ARHGEF10: variants seen among roughly 807,000 people sequenced by gnomAD.
The protein encoded by ARHGEF10 is Rho guanine nucleotide exchange factor 10, also known as Rho guanine nucleotide exchange factor (GEF) 10.
A neutral mutation model predicts 147.4 loss-of-function variants in ARHGEF10; 140 were observed. The observed-to-expected ratio is 0.95, with a 90% CI of 0.83 to 1.09. The LOEUF is 1.09. ARHGEF10 is among the 50% of genes least tolerant of loss of function. The pLI is 0.00. For missense variants in ARHGEF10, 2,222 were observed against 1,752.7 expected, an observed-to-expected ratio of 1.27 and a Z score of -4.78; for synonymous variants, 902 against 695.8, an observed-to-expected ratio of 1.30 and a Z score of -4.67.
intron 2 of ARHGEF10, among the ~76,000 whole-genome samples, chr8:1,849,675 AC>A (rs1804870131): frequency 3.4e-5 from 4 of 118,290 alleles, no homozygotes; most frequent in African/African-American, 1.3e-4. Flanking sequence ...TGGGGTGGCC[AC>A]GTGGGCATGG....
rs73671058 is a variant in ARHGEF10, at chr8:1,930,784, C to G, written c.3079+1341C>G. ...CTTCTCCCGTGTGGTTCCGGCCTGG[C>G]CTGTGCGCACCTGCGCCAAGAAGGC... is the stretch of plus-strand genomic sequence containing the variant. On this transcript the variant is annotated intron_variant, in intron 25 of 28. Coordinates refer to ENST00000349830, the MANE Select transcript of ARHGEF10 (RefSeq NM_014629.4). Among the ~76,000 whole-genome samples the G allele has an allele frequency of 4.4e-3, 666 of 152,346 alleles. 4 individuals are homozygous for G. Among genetic ancestry groups the G allele is most frequent in the African/African-American group, 0.015 (625 of 41,596 alleles).
intron 25 of ARHGEF10, among the ~76,000 whole-genome samples, chr8:1,929,682 TC>T (rs1812965299): frequency 6.6e-6 from 1 of 152,054 alleles, no homozygotes; most frequent in African/African-American, 2.4e-5. Flanking sequence ...CCCTCCCACT[TC>T]TCTCGGCCTG....
rs1200669458 is a variant in ARHGEF10, at chr8:1,952,686, C to T, written c.3398-19C>T. Reference sequence around the variant, plus strand: ...GCTACACAAACCAGACCCGAAGCCACTCATGTCTTTCCGCCCAGGGCACCA... The same window carrying T: ...GCTACACAAACCAGACCCGAAGCCATTCATGTCTTTCCGCCCAGGGCACCA... On this transcript the variant is annotated intron_variant, in intron 27 of 28. Coordinates refer to ENST00000349830, the MANE Select transcript of ARHGEF10 (RefSeq NM_014629.4). The T allele has an allele frequency of 1.9e-6, 3 of 1,613,290 alleles. No homozygotes were observed.
At chr8:1,903,166 C>T in intron 15 of ARHGEF10, 115 bp from the exon 16 acceptor site, 3 of 1,331,370 alleles carry the variant, frequency 2.3e-6, no homozygotes, top group Non-Finnish European at 3.2e-6. Context: ...TTATTTTTCC[C>T]CAGGATGGCA....
At chr8:1,861,057 G>A (rs972474388) in intron 4 of ARHGEF10, among the ~76,000 whole-genome samples, 4 of 152,338 alleles carry the variant, frequency 2.6e-5, no homozygotes, top group Admixed American at 2.6e-4. Flanking sequence ...CTGTAGCCAG[G>A]ACATGCTCCG....
intron 8 of ARHGEF10, among the ~76,000 whole-genome samples, chr8:1,877,348 C>T (rs974819359): frequency 3.3e-5 from 5 of 152,176 alleles, no homozygotes; most frequent in African/African-American, 2.4e-5. Flanking sequence ...TTGCCTCAGC[C>T]TCCCAAGTAG....
intron 18 of ARHGEF10, among the ~76,000 whole-genome samples, chr8:1,917,728 C>T (rs1293374339): frequency 2.6e-5 from 4 of 152,194 alleles, no homozygotes; most frequent in Admixed American, 1.3e-4. Flanking sequence ...TGGAAGTCAA[C>T]TCTAACAAAA....
chr8:1,857,229 G>C (rs1420264018), intron 2 of ARHGEF10, among the ~76,000 whole-genome samples: 1 of 152,122 alleles, frequency 6.6e-6, no homozygotes, highest in Non-Finnish European at 1.5e-5. Flanking sequence ...AATAAGAGAG[G>C]CAAAATGAAA....
At chr8:1,876,545 T>G (rs1807718355) in intron 7 of ARHGEF10, 26 bp from the exon 8 acceptor site, 2 of 1,612,688 alleles carry the variant, frequency 1.2e-6, no homozygotes, top group Admixed American at 1.7e-5. Flanking sequence ...AAAGTTTTAA[T>G]TTCATTTTGG....
chr8:1,839,679 TGGTGTGGGGACTGTCC>T (rs1260564639), intron 1 of ARHGEF10, among the ~76,000 whole-genome samples: 18 of 125,948 alleles, frequency 1.4e-4, no homozygotes, highest in African/African-American at 5.4e-4. Context: ...GTGTGGAAAC[TGGTGTGGGGACTGTCC>T]GGTGTGGGGA....
chr8:1,886,245 G>A (rs1435050891), intron 11 of ARHGEF10, among the ~76,000 whole-genome samples: 2 of 152,228 alleles, frequency 1.3e-5, no homozygotes, highest in African/African-American at 4.8e-5. Flanking sequence ...AGGAACCAGA[G>A]TGACAGCACC....
At chr8:1,838,114 C>A (rs1005935750) in intron 1 of ARHGEF10, among the ~76,000 whole-genome samples, 5 of 152,154 alleles carry the variant, frequency 3.3e-5, no homozygotes, top group African/African-American at 1.2e-4. Flanking sequence ...CCTGGTGCAC[C>A]GTGGAAGGAA....
chr8:1,925,544 C>A (rs1812625886), intron 22 of ARHGEF10, 140 bp downstream of exon 22: 5 of 1,205,540 alleles, frequency 4.1e-6, no homozygotes, highest in African/African-American at 1.5e-5. Flanking sequence ...CTCTAGAGGT[C>A]ATTTATCTGG....
chr8:1,859,779 G>C, intron 3 of ARHGEF10, 118 bp from the exon 4 acceptor site: 1 of 1,275,022 alleles, frequency 7.8e-7, no homozygotes. Context: ...AACGTCTAGG[G>C]GTCCTGGCAT....
intron 2 of ARHGEF10, among the ~76,000 whole-genome samples, chr8:1,843,970 A>C (rs1160995522): frequency 6.6e-6 from 1 of 152,228 alleles, no homozygotes; most frequent in Non-Finnish European, 1.5e-5. Flanking sequence ...TGTTGCCAAA[A>C]AGACTATGCC....
chr8:1,938,532 G>A (rs963736546), intron 26 of ARHGEF10, among the ~76,000 whole-genome samples: 1 of 152,228 alleles, frequency 6.6e-6, no homozygotes. Context: ...AAATAGGCGA[G>A]ATATTAAAGA....
chr8:1,921,659 C>A (rs1013154584), intron 18 of ARHGEF10, among the ~76,000 whole-genome samples: 1 of 151,856 alleles, frequency 6.6e-6, no homozygotes, highest in Non-Finnish European at 1.5e-5. Context: ...CGTTTGAACC[C>A]GGGAGGCAGA....
intron 1 of ARHGEF10, among the ~76,000 whole-genome samples, chr8:1,835,500 T>C (rs1803526675): frequency 6.6e-6 from 1 of 152,166 alleles, no homozygotes; most frequent in Non-Finnish European, 1.5e-5. Flanking sequence ...CCCTGGGTCA[T>C]GGTGACTTCC....
intron 18 of ARHGEF10, among the ~76,000 whole-genome samples, chr8:1,914,330 C>CAGCG (rs1407418975): frequency 2.6e-5 from 4 of 152,230 alleles, no homozygotes; most frequent in Non-Finnish European, 4.4e-5. Context: ...GGGGTCTGAG[C>CAGCG]AGCGCGTCCA....
Sources: allele counts gnomAD v4.1 joint callset (sites outside exome capture counted in the v4.1 genomes callset), GRCh38; gene constraint gnomAD v4.1.1; transcripts MANE v1.5; gene names NCBI Gene and HGNC (gene_info 2026-07-23, HGNC 2026-07-21).